The following LRFN5 variants were observed in gnomAD, a reference collection of about 807,000 sequenced individuals.
LRFN5 encodes the protein leucine rich repeat and fibronectin type III domain containing 5.
In LRFN5, 24 loss-of-function variants were observed where a neutral mutation model predicts 45.6. The observed-to-expected ratio is 0.53, with a 90% CI of 0.38 to 0.74. The LOEUF is 0.74. Among genes scored for constraint, LRFN5 ranks in the 30% least tolerant of loss-of-function variants. The probability of loss-of-function intolerance (pLI) is 0.00; values close to 1 mark genes in which losing one functional copy is unlikely to be tolerated. For synonymous variants in LRFN5, 340 were observed against 313.8 expected (o/e 1.08, Z -0.88); for missense variants, 776 against 861.5 (o/e 0.90, Z 1.24).
intron 1 of LRFN5, among the ~76,000 whole-genome samples, chr14:41,645,733 G>C (rs150222824): frequency 6.6e-6 from 1 of 152,110 alleles, no homozygotes; most frequent in African/African-American, 2.4e-5. Flanking sequence ...CTGAACATTT[G>C]TTAATGTTCT....
chr14:41,750,749 G>T (rs1165329234), intron 1 of LRFN5, among the ~76,000 whole-genome samples: 1 of 152,078 alleles, frequency 6.6e-6, no homozygotes, highest in Admixed American at 6.6e-5. Context: ...TAAAATCCTG[G>T]AGTAAGGCAA....
chr14:41,884,697 T>A (rs1288582180), intron 2 of LRFN5, among the ~76,000 whole-genome samples: 1 of 152,124 alleles, frequency 6.6e-6, no homozygotes, highest in Non-Finnish European at 1.5e-5. Flanking sequence ...CAGCCTCCAT[T>A]TAACCCAAAA....
intron 4 of LRFN5, chr14:41,893,541 G>C (rs1385944470): frequency 1.0e-6 from 1 of 984,924 alleles, no homozygotes; most frequent in Non-Finnish European, 1.2e-6. Flanking sequence ...CACAGTAAAA[G>C]TTTATTAACT....
At chr14:41,833,617 A>G (rs983452558) in intron 2 of LRFN5, among the ~76,000 whole-genome samples, 3 of 152,202 alleles carry the variant, frequency 2.0e-5, no homozygotes, top group Non-Finnish European at 4.4e-5. Flanking sequence ...TTAATGCTAC[A>G]GCTGCTGTTA....
intron 1 of LRFN5, among the ~76,000 whole-genome samples, chr14:41,627,968 T>C (rs1054033072): frequency 6.6e-6 from 1 of 152,202 alleles, no homozygotes; most frequent in African/African-American, 2.4e-5. Context: ...ATTTTATTTA[T>C]TGCAGCTAGG....
intron 1 of LRFN5, among the ~76,000 whole-genome samples, chr14:41,689,443 A>T (rs1003995047): frequency 7.9e-5 from 12 of 152,142 alleles, no homozygotes; most frequent in African/African-American, 2.4e-4. Flanking sequence ...TCTTACAGAA[A>T]TTTTTTTAAA....
At chr14:41,873,346 A>G (rs1205794733) in intron 2 of LRFN5, among the ~76,000 whole-genome samples, 1 of 151,958 alleles carries the variant, frequency 6.6e-6, no homozygotes, top group Non-Finnish European at 1.5e-5. Flanking sequence ...AATAAAATGT[A>G]CTAAATATTC....
intron 2 of LRFN5, among the ~76,000 whole-genome samples, chr14:41,854,521 GA>G (rs1889386444): frequency 6.6e-6 from 1 of 152,100 alleles, no homozygotes; most frequent in Non-Finnish European, 1.5e-5. Context: ...AAGAAAAAAA[GA>G]AATGACCTGG....
At chr14:41,718,503 T>A (rs1223845538) in intron 1 of LRFN5, among the ~76,000 whole-genome samples, 1 of 152,302 alleles carries the variant, frequency 6.6e-6, no homozygotes, top group East Asian at 1.9e-4. Context: ...AGCCTATATT[T>A]TACATGTACT....
chr14:41,640,879 A>T (rs1566599527), intron 1 of LRFN5, among the ~76,000 whole-genome samples: 2 of 151,992 alleles, frequency 1.3e-5, no homozygotes, highest in Non-Finnish European at 2.9e-5. Flanking sequence ...ACCTATTTTT[A>T]TCTTTGGTTG....
intron 1 of LRFN5, among the ~76,000 whole-genome samples, chr14:41,678,855 A>C (rs2138680601): frequency 6.6e-6 from 1 of 152,296 alleles, no homozygotes; most frequent in African/African-American, 2.4e-5. Context: ...GGAAAGGGTA[A>C]GAAAGACAGT....
chr14:41,865,119 G>T (rs1211973874), intron 2 of LRFN5, among the ~76,000 whole-genome samples: 1 of 151,952 alleles, frequency 6.6e-6, no homozygotes, highest in African/African-American at 2.4e-5. Flanking sequence ...TTAAAGCTGT[G>T]CAATCTAGTG....
rs182944513 is a variant in LRFN5 at position 41,835,722 on chromosome 14, G to A, written c.-20-50884G>A. Among the ~76,000 whole-genome samples, 988 of 151,900 alleles carry A rather than the reference G, an allele frequency of 6.5e-3. 29 individuals are homozygous for A. Among genetic ancestry groups the A allele is most frequent in the Admixed American group, 0.053 (803 of 15,252 alleles). On this transcript the variant is annotated intron_variant, in intron 2 of 5. Transcript: ENST00000298119. The stretch of plus-strand genomic sequence containing the variant: ...GCCTGGCATGACAGAGTGGGACCAC[G>A]TCTCAAGCAAAACAAAACAAAACAA...
intron 2 of LRFN5, among the ~76,000 whole-genome samples, chr14:41,865,876 G>C (rs1267527977): frequency 1.3e-5 from 2 of 151,990 alleles, no homozygotes; most frequent in African/African-American, 4.8e-5. Flanking sequence ...AATGTCTATT[G>C]AAAATTCTTT....
rs1182555502 is a variant in LRFN5, at chr14:41,607,533, GTGCGCGCGCGTGTGTA to G, written c.-1225_-1210del. On this transcript the variant is annotated 5_prime_UTR_variant, in exon 1 of 6. Coordinates refer to ENST00000298119, the MANE Select transcript of LRFN5 (RefSeq NM_152447.5). ...GCTTTCCAGCTAGCTGCGTGTGTGT[GTGCGCGCGCGTGTGTA>G]CGCGCGCGCCTATCTGATGCATTTG... 4 of 152,102 alleles carry G rather than the reference GTGCGCGCGCGTGTGTA, an allele frequency of 2.6e-5. No individual in the cohort carries two copies. Among genetic ancestry groups the G allele is most frequent in the African/African-American group, 9.7e-5 (4 of 41,402 alleles). 9.4% of individuals were successfully genotyped at this position (152,102 alleles called of 1,614,324 possible).
chr14:41,738,681 C>T (rs552494382), intron 1 of LRFN5, among the ~76,000 whole-genome samples: 6 of 152,254 alleles, frequency 3.9e-5, no homozygotes, highest in Admixed American at 1.3e-4. Context: ...AAGTAGCTTT[C>T]GTCTGATAGC....
intron 1 of LRFN5, among the ~76,000 whole-genome samples, chr14:41,702,994 G>A (rs1882902104): frequency 1.3e-5 from 2 of 152,000 alleles, no homozygotes; most frequent in African/African-American, 4.8e-5. Context: ...ATTCGAATGT[G>A]TGACAATTAT....
chr14:41,617,534 GATCATAT>G (rs1282291953), intron 1 of LRFN5, among the ~76,000 whole-genome samples: 1 of 152,016 alleles, frequency 6.6e-6, no homozygotes, highest in Non-Finnish European at 1.5e-5. Flanking sequence ...AGCATCCTCT[GATCATAT>G]ATCCTATTTT....
intron 2 of LRFN5, among the ~76,000 whole-genome samples, chr14:41,845,501 T>A (rs1889030560): frequency 6.6e-6 from 1 of 152,172 alleles, no homozygotes; most frequent in African/African-American, 2.4e-5. Flanking sequence ...GTGAAGTTTG[T>A]AAATTTTTTT....
Sources: allele counts gnomAD v4.1 joint callset (sites outside exome capture counted in the v4.1 genomes callset), GRCh38; gene constraint gnomAD v4.1.1; transcripts MANE v1.5; gene names NCBI Gene and HGNC (gene_info 2026-07-23, HGNC 2026-07-21).